NTNG1: variants seen among roughly 807,000 people sequenced by gnomAD.
NTNG1 encodes the protein netrin G1.
Under a neutral mutation model 54.0 loss-of-function variants are expected in NTNG1, and 16 were observed. That is an observed-to-expected ratio of 0.30 (90% CI 0.20 to 0.45). NTNG1 has a LOEUF of 0.45. Ranked by LOEUF, NTNG1 falls within the 20% of genes least tolerant of loss-of-function variation. The pLI, the probability that NTNG1 is intolerant of heterozygous loss-of-function variation, is 1.00. For synonymous variants in NTNG1, 255 were observed against 263.1 expected (o/e 0.97, Z 0.30); for missense variants, 530 against 678.7 (o/e 0.78, Z 2.43).
At chr1:107,154,614 A>C (rs965303956) in intron 2 of NTNG1, among the ~76,000 whole-genome samples, 2,292 of 149,786 alleles carry the variant, frequency 0.015, 87 homozygotes, top group African/African-American at 0.052. Flanking sequence ...AAAAAAAAAA[A>C]AAAAAAAAAA....
chr1:107,375,338 C>G (rs1190632055), intron 3 of NTNG1, among the ~76,000 whole-genome samples: 1 of 152,200 alleles, frequency 6.6e-6, no homozygotes, highest in Non-Finnish European at 1.5e-5. Context: ...TGTTTTCTGC[C>G]TCTCAGAGGC....
chr1:107,401,941 T>G (rs971155251), intron 4 of NTNG1, among the ~76,000 whole-genome samples: 4 of 152,094 alleles, frequency 2.6e-5, no homozygotes, highest in Non-Finnish European at 4.4e-5. Flanking sequence ...AATTAGTACA[T>G]GTAAGGCATT....
intron 1 of NTNG1, among the ~76,000 whole-genome samples, chr1:107,142,498 A>G (rs960294418): frequency 6.6e-6 from 1 of 152,070 alleles, no homozygotes; most frequent in African/African-American, 2.4e-5. Flanking sequence ...TCTTCTCTTT[A>G]TACAGGGAAT....
intron 2 of NTNG1, among the ~76,000 whole-genome samples, chr1:107,153,077 A>C (rs1654707415): frequency 1.3e-5 from 2 of 152,198 alleles, no homozygotes; most frequent in African/African-American, 4.8e-5. Context: ...TATGAAAGAA[A>C]CTTTAATTAT....
chr1:107,246,380 T>G (rs1231951388), intron 2 of NTNG1, among the ~76,000 whole-genome samples: 1 of 146,280 alleles, frequency 6.8e-6, no homozygotes, highest in African/African-American at 2.6e-5. Context: ...ATAAAGTCAA[T>G]ATGAGAGTTT....
intron 2 of NTNG1, among the ~76,000 whole-genome samples, chr1:107,279,540 A>G (rs1664692605): frequency 6.6e-6 from 1 of 152,182 alleles, no homozygotes; most frequent in Non-Finnish European, 1.5e-5. Flanking sequence ...ATGCCACACT[A>G]GGTTTCTACC....
chr1:107,390,314 C>G (rs563052999), intron 3 of NTNG1, among the ~76,000 whole-genome samples: 3 of 152,268 alleles, frequency 2.0e-5, no homozygotes, highest in African/African-American at 7.2e-5. Flanking sequence ...CCAGGGTGGC[C>G]ATCCTTGCAT....
intron 3 of NTNG1, among the ~76,000 whole-genome samples, chr1:107,365,467 GATA>G (rs1670538763): frequency 6.6e-6 from 1 of 151,936 alleles, no homozygotes; most frequent in African/African-American, 2.4e-5. Context: ...GAAGTTAAAG[GATA>G]ATAAAAAAAA....
intron 3 of NTNG1, among the ~76,000 whole-genome samples, chr1:107,343,993 T>C (rs1389378224): frequency 1.3e-5 from 2 of 152,056 alleles, no homozygotes; most frequent in Non-Finnish European, 2.9e-5. Context: ...GAATACTGAA[T>C]TGGATTCCAA....
At chr1:107,468,966 C>T (rs1051881700) in intron 7 of NTNG1, among the ~76,000 whole-genome samples, 1 of 151,784 alleles carries the variant, frequency 6.6e-6, no homozygotes, top group Non-Finnish European at 1.5e-5. Flanking sequence ...AGTGGTGGCG[C>T]GCGCCTATAA....
Position 107,480,938 on chromosome 1 carries a change from C to A in NTNG1, c.*98C>A. Reference sequence around the variant, plus strand: ...CATAGGAAACACACACATACAGACACCCCCACTCAGACAGTGTACAAACTA... The same window carrying A: ...CATAGGAAACACACACATACAGACAACCCCACTCAGACAGTGTACAAACTA... On this transcript the variant is annotated 3_prime_UTR_variant, in exon 8 of 8. Transcript: ENST00000370068. 3 of 865,376 alleles carry A rather than the reference C, an allele frequency of 3.5e-6. No individual in the cohort carries two copies. The highest frequency in any genetic ancestry group is 5.4e-6 in the Non-Finnish European group (3 of 552,204). The allele number at this position is 865,376 out of a possible 1,614,324, so 53.6% of individuals were successfully genotyped here. A position where few individuals can be genotyped will look rare whatever the true frequency, so the allele number is the denominator to read the frequency against.
chr1:107,255,165 G>T (rs560039375), intron 2 of NTNG1, among the ~76,000 whole-genome samples: 120 of 152,254 alleles, frequency 7.9e-4, no homozygotes, highest in African/African-American at 2.7e-3. Context: ...AATAAAAGTT[G>T]CCTCATGTTT....
At chr1:107,368,192 TGTCTTAG>T (rs1670713846) in intron 3 of NTNG1, among the ~76,000 whole-genome samples, 1 of 152,134 alleles carries the variant, frequency 6.6e-6, no homozygotes, top group Non-Finnish European at 1.5e-5. Context: ...CTGGTTCCAA[TGTCTTAG>T]GTCTCCTGTC....
At chr1:107,314,330 C>T (rs905368706) in intron 2 of NTNG1, among the ~76,000 whole-genome samples, 6 of 152,088 alleles carry the variant, frequency 3.9e-5, no homozygotes, top group Non-Finnish European at 7.4e-5. Flanking sequence ...ACCCGGGAGG[C>T]AGAGGTTGCA....
intron 2 of NTNG1, among the ~76,000 whole-genome samples, chr1:107,318,477 AT>A (rs1343175327): frequency 6.6e-6 from 1 of 152,118 alleles, no homozygotes; most frequent in Non-Finnish European, 1.5e-5. Flanking sequence ...AAGAAAAAAA[AT>A]CATATTGAGG....
chr1:107,150,502 T>A (rs17018480), intron 2 of NTNG1, among the ~76,000 whole-genome samples: 7,356 of 152,252 alleles, frequency 0.048, 570 homozygotes, highest in African/African-American at 0.17. Context: ...TGTTAAGAAC[T>A]CTCTAGCTCT....
At chr1:107,281,277 A>G (rs1664843552) in intron 2 of NTNG1, among the ~76,000 whole-genome samples, 2 of 152,264 alleles carry the variant, frequency 1.3e-5, no homozygotes, top group South Asian at 4.1e-4. Flanking sequence ...TAGAGTGAGG[A>G]CATGAATGAC....
intron 2 of NTNG1, among the ~76,000 whole-genome samples, chr1:107,297,164 T>TATATAACATC (rs1008846906): frequency 7.0e-6 from 1 of 143,242 alleles, no homozygotes; most frequent in African/African-American, 2.6e-5. Context: ...TAACATCATA[T>TATATAACATC]ATATAACATC....
At chr1:107,323,678 G>A (rs1177686153) in intron 2 of NTNG1, among the ~76,000 whole-genome samples, 2 of 151,998 alleles carry the variant, frequency 1.3e-5, no homozygotes, top group Non-Finnish European at 2.9e-5. Flanking sequence ...AGCCTTTAGG[G>A]TACCACATTT....
Sources: allele counts gnomAD v4.1 joint callset (sites outside exome capture counted in the v4.1 genomes callset), GRCh38; gene constraint gnomAD v4.1.1; transcripts MANE v1.5; gene names NCBI Gene and HGNC (gene_info 2026-07-23, HGNC 2026-07-21).